The following XYLT1 variants were observed in gnomAD, a reference collection of about 807,000 sequenced individuals.
The protein encoded by XYLT1 is xylosyltransferase 1, also known as beta-D-xylosyltransferase 1.
A neutral mutation model predicts 91.3 loss-of-function variants in XYLT1; 36 were observed. That is an observed-to-expected ratio of 0.39 (90% CI 0.30 to 0.52). XYLT1 has a LOEUF of 0.52. Ranked by LOEUF, XYLT1 falls within the 20% of genes least tolerant of loss-of-function variation. XYLT1 has a pLI of 0.68. For missense variants in XYLT1, 1,242 were observed against 1,284.5 expected (o/e 0.97, Z 0.51); for synonymous variants, 588 against 532.0 (o/e 1.11, Z -1.45).
At chr16:17,365,978 C>G (rs139855918) in intron 1 of XYLT1, among the ~76,000 whole-genome samples, 1 of 151,558 alleles carries the variant, frequency 6.6e-6, no homozygotes, top group African/African-American at 2.4e-5. Context: ...AGAAACCTAC[C>G]TGAAAAGATT....
intron 1 of XYLT1, among the ~76,000 whole-genome samples, chr16:17,405,974 C>T (rs144231572): frequency 0.02 from 2,969 of 152,192 alleles, 83 homozygotes; most frequent in African/African-American, 0.066. Context: ...CACTTGAGGT[C>T]GGGAGTTTGA....
At chr16:17,158,039 G>A (rs1188810865) in intron 6 of XYLT1, among the ~76,000 whole-genome samples, 1 of 49,048 alleles carries the variant, frequency 2.0e-5, no homozygotes, top group Non-Finnish European at 3.9e-5. Context: ...GAGCCACTGC[G>A]CCTGGCCTTT....
chr16:17,265,756 T>C (rs2033794983), intron 2 of XYLT1, among the ~76,000 whole-genome samples: 1 of 151,958 alleles, frequency 6.6e-6, no homozygotes, highest in Non-Finnish European at 1.5e-5. Context: ...GTTTCCATTT[T>C]TCCCAGGTTC....
chr16:17,327,675 C>T (rs1271230768), intron 2 of XYLT1, among the ~76,000 whole-genome samples: 2 of 148,372 alleles, frequency 1.3e-5, no homozygotes, highest in Non-Finnish European at 3.0e-5. Flanking sequence ...AGCCACCACG[C>T]CTGGCCAACA....
chr16:17,123,168 G>C (rs1193949149), intron 10 of XYLT1, among the ~76,000 whole-genome samples: 2 of 152,198 alleles, frequency 1.3e-5, no homozygotes, highest in African/African-American at 4.8e-5. Flanking sequence ...GCTTTTGGCA[G>C]TATGGTCATG....
chr16:17,174,611 G>GT (rs2031898609), intron 5 of XYLT1, among the ~76,000 whole-genome samples: 1 of 152,082 alleles, frequency 6.6e-6, no homozygotes, highest in African/African-American at 2.4e-5. Context: ...GTTGCCAGGG[G>GT]TTGGGGGTCA....
chr16:17,402,913 A>C (rs1003715445), intron 1 of XYLT1, among the ~76,000 whole-genome samples: 1 of 151,642 alleles, frequency 6.6e-6, no homozygotes, highest in Non-Finnish European at 1.5e-5. Context: ...CTATTTTAAA[A>C]ATTTTTTGTA....
chr16:17,254,596 T>C (rs558903693), intron 3 of XYLT1, among the ~76,000 whole-genome samples: 123 of 152,238 alleles, frequency 8.1e-4, no homozygotes, highest in African/African-American at 2.7e-3. Flanking sequence ...GGTTTTACCA[T>C]GTGGCCCAGG....
intron 2 of XYLT1, among the ~76,000 whole-genome samples, chr16:17,280,304 C>T (rs1317088296): frequency 1.3e-5 from 2 of 152,152 alleles, no homozygotes; most frequent in Non-Finnish European, 2.9e-5. Context: ...GAGCCAAGAT[C>T]GTGCCACTGC....
intron 2 of XYLT1, among the ~76,000 whole-genome samples, chr16:17,285,894 G>C (rs1318824788): frequency 6.3e-5 from 9 of 143,200 alleles, no homozygotes; most frequent in Non-Finnish European, 1.2e-4. Context: ...GTGTGTGTGT[G>C]TGTGTGTGTG....
intron 2 of XYLT1, among the ~76,000 whole-genome samples, chr16:17,267,532 G>A (rs1023656415): frequency 3.3e-5 from 5 of 151,998 alleles, no homozygotes; most frequent in African/African-American, 4.8e-5. Context: ...TCAGCCTCCC[G>A]AGTAGCTGGG....
intron 3 of XYLT1, among the ~76,000 whole-genome samples, chr16:17,216,521 TCC>T: frequency 6.6e-6 from 1 of 152,298 alleles, no homozygotes; most frequent in African/African-American, 2.4e-5. Context: ...GGGACATTTC[TCC>T]AAATCGTTTC....
At chr16:17,202,151 T>C (rs1325281064) in intron 3 of XYLT1, among the ~76,000 whole-genome samples, 1 of 152,226 alleles carries the variant, frequency 6.6e-6, no homozygotes, top group East Asian at 1.9e-4. Flanking sequence ...CTCAGCCTGA[T>C]TTCACTTGGG....
intron 5 of XYLT1, chr16:17,194,141 A>C (rs1181223845): frequency 1.3e-5 from 2 of 152,220 alleles, no homozygotes; most frequent in African/African-American, 4.8e-5. Context: ...CTTACGTATA[A>C]ATGGCTGACA....
intron 2 of XYLT1, among the ~76,000 whole-genome samples, chr16:17,305,566 C>T (rs1431412204): frequency 6.6e-6 from 1 of 151,864 alleles, no homozygotes; most frequent in Non-Finnish European, 1.5e-5. Context: ...CAGGCATGCA[C>T]CACCACGCCC....
intron 10 of XYLT1, among the ~76,000 whole-genome samples, chr16:17,119,650 C>T (rs1473199515): frequency 6.6e-6 from 1 of 152,168 alleles, no homozygotes; most frequent in African/African-American, 2.4e-5. Flanking sequence ...CAGACGTGTC[C>T]ATTCAGTTGA....
chr16:17,440,826 C>T (rs1001008965), intron 1 of XYLT1, among the ~76,000 whole-genome samples: 4 of 152,110 alleles, frequency 2.6e-5, no homozygotes, highest in African/African-American at 9.7e-5. Flanking sequence ...AAGTTTCACA[C>T]TTTGGGTCAG....
In XYLT1 at chr16:17,108,735, G is replaced by C; in HGVS notation, c.2840C>G (p.Ser947Trp). 1.2e-6 allele frequency: 2 copies of C among 1,600,108 alleles called. No individual in the cohort carries two copies. Among genetic ancestry groups the C allele is most frequent in the Non-Finnish European group, 1.7e-6 (2 of 1,175,804 alleles). The change falls in exon 12 of 12, where the codon TCG (serine) becomes TGG (tryptophan). Residue 947 changes from serine (S) to tryptophan (W), a missense_variant. Ser to Trp is a radical substitution (Grantham distance 177, BLOSUM62 -3). Coordinates refer to ENST00000261381, the MANE Select transcript of XYLT1 (RefSeq NM_022166.4). ...ATCAGGTTTGACTGCCCCCAGCTCC[G>C]ACTTGGGGTCAGGGCTGAAGGAGCT... ...AWSSFSPDPKSELGAVKPDGR... is the reference protein window; with the variant it reads ...AWSSFSPDPKWELGAVKPDGR...
chr16:17,305,157 C>T (rs924874899), intron 2 of XYLT1, among the ~76,000 whole-genome samples: 1 of 152,138 alleles, frequency 6.6e-6, no homozygotes, highest in Non-Finnish European at 1.5e-5. Context: ...GCAAAGCCAT[C>T]CCAGTTCCCC....
Sources: allele counts gnomAD v4.1 joint callset (sites outside exome capture counted in the v4.1 genomes callset), GRCh38; gene constraint gnomAD v4.1.1; transcripts MANE v1.5; gene names NCBI Gene and HGNC (gene_info 2026-07-23, HGNC 2026-07-21).